MAPT: variants seen among roughly 807,000 people sequenced by gnomAD.
The protein encoded by MAPT is microtubule-associated protein tau.
Under a neutral mutation model 67.9 loss-of-function variants are expected in MAPT, and 34 were observed. The ratio of observed to expected loss-of-function variants is 0.50; its 90% CI spans 0.38 to 0.67. The LOEUF is 0.67. Among genes scored for constraint, MAPT ranks in the 30% least tolerant of loss-of-function variants. The pLI is 0.00. For synonymous variants in MAPT, 456 were observed against 464.5 expected (o/e 0.98, Z 0.23); for missense variants, 881 against 1,115.2 (o/e 0.79, Z 2.99).
chr17:45,948,598 C>G (rs1435808929), intron 1 of MAPT, among the ~76,000 whole-genome samples: 1 of 152,214 alleles, frequency 6.6e-6, no homozygotes, highest in African/African-American at 2.4e-5. Flanking sequence ...CTTGGCCTGA[C>G]AGGTCTGCTG....
In MAPT at chr17:45,981,373, C is replaced by T. The variant is rs1038465886; in HGVS notation, c.287-1493C>T. 1.5e-4 allele frequency among the ~76,000 whole-genome samples: 23 copies of T among 152,130 alleles called. 1 individual carries two copies. Among genetic ancestry groups the T allele is most frequent in the Admixed American group, 1.3e-3 (20 of 15,260 alleles). ...GTGTAATTCTCCTGTTCTTAATATG[C>T]GGCCAGGTTAATGAATGTCACGTGA... On this transcript the variant is annotated intron_variant, in intron 4 of 12. Coordinates refer to ENST00000262410, the MANE Select transcript of MAPT (RefSeq NM_001377265.1).
At chr17:45,974,697 A>G (rs546459909) in intron 3 of MAPT, 1 of 568,498 alleles carries the variant, frequency 1.8e-6, no homozygotes, top group African/African-American at 1.9e-5. Flanking sequence ...GGCCTTCTGG[A>G]CTTCTAGATG....
chr17:45,998,031 T>C (rs1185815486), intron 9 of MAPT, among the ~76,000 whole-genome samples: 5 of 152,164 alleles, frequency 3.3e-5, no homozygotes, highest in Non-Finnish European at 5.9e-5. Flanking sequence ...CAGCTCACTC[T>C]GAGGCTGCAG....
chr17:45,992,959 A>G (rs955423839), intron 8 of MAPT, among the ~76,000 whole-genome samples: 3 of 150,800 alleles, frequency 2.0e-5, no homozygotes, highest in African/African-American at 7.3e-5. Flanking sequence ...CTGCCCGAGC[A>G]CTTCTCTCTT....
chr17:46,005,094 A>G (rs2075320826), intron 9 of MAPT, among the ~76,000 whole-genome samples: 1 of 152,188 alleles, frequency 6.6e-6, no homozygotes, highest in African/African-American at 2.4e-5. Context: ...AGAAAAAAAC[A>G]TTTCTAAGTA....
At position 46,026,088 on chromosome 17, in the gene MAPT, G is replaced by GAAAAAAA. The variant is rs878859719; in HGVS notation, c.*1929_*1935dup. On this transcript the variant is annotated 3_prime_UTR_variant, in exon 13 of 13. Transcript: ENST00000262410. Reference sequence around the variant, plus strand: ...ACCAGAGTGACTATGATAGTGAAAAGAAAAAAAAAAAAAAAAAAGGACGCA... The same window carrying GAAAAAAA: ...ACCAGAGTGACTATGATAGTGAAAAGAAAAAAAAAAAAAAAAAAAAAAAAAGGACGCA... 1 of 92,562 alleles carries GAAAAAAA rather than the reference G, an allele frequency of 1.1e-5. No individual in the cohort carries two copies. 5.7% of individuals were successfully genotyped at this position (92,562 alleles called of 1,614,324 possible). A position where few individuals can be genotyped will look rare whatever the true frequency, so the allele number is the denominator to read the frequency against.
chr17:46,018,537 G>A (rs1396923182), intron 11 of MAPT, 81 bp from the exon 12 acceptor site: 2 of 1,059,778 alleles, frequency 1.9e-6, no homozygotes, highest in African/African-American at 1.6e-5. Flanking sequence ...CCTGTAGACT[G>A]CAGACCTCAT....
At chr17:45,940,369 C>T (rs2067744846) in intron 1 of MAPT, among the ~76,000 whole-genome samples, 1 of 152,240 alleles carries the variant, frequency 6.6e-6, no homozygotes, top group Admixed American at 6.5e-5. Context: ...GGGCAAGTTA[C>T]TTCACCTGTC....
intron 1 of MAPT, among the ~76,000 whole-genome samples, chr17:45,954,623 CAAAT>C (rs542569044): frequency 2.3e-4 from 35 of 151,848 alleles, no homozygotes; most frequent in Admixed American, 1.8e-3. Context: ...ACCTTGTCTC[CAAAT>C]AAATAAATAA....
At chr17:45,974,349 C>T (rs2072073012) in intron 3 of MAPT, 7 of 1,460,162 alleles carry the variant, frequency 4.8e-6, no homozygotes, top group Non-Finnish European at 6.6e-6. Context: ...TATGGCTCGT[C>T]CTGGCCCCTC....
intron 12 of MAPT, among the ~76,000 whole-genome samples, chr17:46,020,750 G>A (rs992735206): frequency 5.9e-5 from 9 of 152,100 alleles, no homozygotes; most frequent in Non-Finnish European, 1.0e-4. Flanking sequence ...AGAACAGCAC[G>A]GGAAAGACCC....
At position 45,978,420 on chromosome 17, in the gene MAPT, C is replaced by G. The variant is rs139796158; in HGVS notation, c.266C>G (p.Ala89Gly). 42 of 1,603,970 alleles carry G rather than the reference C, an allele frequency of 2.6e-5. No homozygotes were observed. In the African/African-American group the frequency reaches 5.6e-4, roughly 22 times the overall value. Residue 89 changes from alanine to glycine, a missense_variant, in exon 4 of 13, where the codon GCT (alanine) becomes GGT (glycine). This residue lies in a region of MAPT where 687 missense variants were observed against 766.1 expected (regional missense o/e 0.90). Transcript: ENST00000262410. ...IGDTPSLEDE[A>G]AGHVTQEELR... is the part of the protein sequence containing the mutation. ...GACACCCCCAGCCTGGAAGACGAAGCTGCTGGTCACGTGACCCAAGGTCAG... is the reference window on the plus strand; with the variant it reads ...GACACCCCCAGCCTGGAAGACGAAGGTGCTGGTCACGTGACCCAAGGTCAG...
intron 9 of MAPT, among the ~76,000 whole-genome samples, chr17:45,997,713 T>C (rs2074612541): frequency 6.6e-6 from 1 of 152,192 alleles, no homozygotes; most frequent in Non-Finnish European, 1.5e-5. Flanking sequence ...TGAGCCGAGA[T>C]AGTGCCACTG....
intron 1 of MAPT, among the ~76,000 whole-genome samples, chr17:45,956,550 A>T (rs1210534638): frequency 0.022 from 5 of 224 alleles, no homozygotes; most frequent in Non-Finnish European, 0.091. Flanking sequence ...AGGTTCTTTT[A>T]TATATATATA....
At chr17:45,955,356 C>G (rs1292999662) in intron 1 of MAPT, among the ~76,000 whole-genome samples, 1 of 152,240 alleles carries the variant, frequency 6.6e-6, no homozygotes, top group African/African-American at 2.4e-5. Context: ...TTTCCATCAC[C>G]TCTGCCTTTT....
Position 46,024,284 on chromosome 17 carries a change from C to T in MAPT, c.*113C>T, listed in dbSNP as rs948754686. The T allele has an allele frequency of 3.5e-5, 34 of 984,170 alleles. No individual in the cohort carries two copies. The highest frequency in any genetic ancestry group is 3.3e-5 in the Non-Finnish European group (21 of 641,558). The allele number at this position is 984,170 out of a possible 1,614,324, so 61.0% of individuals were successfully genotyped here. A position where few individuals can be genotyped will look rare whatever the true frequency, so the allele number is the denominator to read the frequency against. On this transcript the variant is annotated 3_prime_UTR_variant, in exon 13 of 13. Transcript: ENST00000262410. ...CTGCCCCCAGCTGCTCCTCGCAGTTCGGTTAATTGGTTAATCACTTAACCT... is the reference window on the plus strand; with the variant it reads ...CTGCCCCCAGCTGCTCCTCGCAGTTTGGTTAATTGGTTAATCACTTAACCT...
chr17:45,996,803 C>G lies in MAPT; in HGVS notation c.1998+139C>G. ...GGACTGTGCATGGAGGTGTGGGGCT[C>G]CCCGCACCTGAGCACCCCCGCATAA... On this transcript the variant is annotated intron_variant, in intron 9 of 12. Coordinates refer to ENST00000262410, the MANE Select transcript of MAPT (RefSeq NM_001377265.1). This position sits in a 1 kb window ranked among gnomAD's most constrained non-coding sequence, Gnocchi z 4.5. 1 of 1,230,098 alleles carries G rather than the reference C, an allele frequency of 8.1e-7. No individual in the cohort carries two copies. Among genetic ancestry groups the G allele is most frequent in the Non-Finnish European group, 1.1e-6 (1 of 893,690 alleles). The allele number at this position is 1,230,098 out of a possible 1,614,324, so 76.2% of individuals were successfully genotyped here.
At chr17:45,987,959 A>C (rs573245979) in intron 6 of MAPT, among the ~76,000 whole-genome samples, 9 of 151,042 alleles carry the variant, frequency 6.0e-5, no homozygotes, top group Admixed American at 2.1e-4. Flanking sequence ...TCCTTCCTTC[A>C]TTCATTCATT....
intron 2 of MAPT, among the ~76,000 whole-genome samples, chr17:45,968,168 C>A (rs1416451503): frequency 1.3e-5 from 2 of 151,982 alleles, no homozygotes; most frequent in Non-Finnish European, 2.9e-5. Context: ...TGACAATGAT[C>A]TTTTCATACA....
Sources: allele counts gnomAD v4.1 joint callset (sites outside exome capture counted in the v4.1 genomes callset), GRCh38; gene constraint gnomAD v4.1.1; regional missense constraint gnomAD v4.1.1; non-coding constraint Gnocchi (gnomAD v3.1); transcripts MANE v1.5; gene names NCBI Gene and HGNC (gene_info 2026-07-23, HGNC 2026-07-21).